Variants in SLC4A10 observed in about 807,000 individuals in gnomAD.
SLC4A10 encodes sodium-driven chloride bicarbonate exchanger.
Under a neutral mutation model 137.7 loss-of-function variants are expected in SLC4A10, and 42 were observed. The observed-to-expected ratio is 0.30, with a 90% CI of 0.24 to 0.39. The LOEUF is 0.39. Among genes scored for constraint, SLC4A10 ranks in the 10% least tolerant of loss-of-function variants. SLC4A10 has a pLI of 1.00. For missense variants in SLC4A10, 925 were observed against 1,355.0 expected (o/e 0.68, Z 4.98); for synonymous variants, 474 against 464.1 (o/e 1.02, Z -0.27).
intron 1 of SLC4A10, among the ~76,000 whole-genome samples, chr2:161,640,490 C>T (rs2035114173): frequency 6.6e-6 from 1 of 152,160 alleles, no homozygotes; most frequent in Admixed American, 6.6e-5. Context: ...ATTTAACAAA[C>T]TTTGTCAATT....
chr2:161,893,885 C>T (rs535695619), intron 10 of SLC4A10, among the ~76,000 whole-genome samples: 1 of 151,624 alleles, frequency 6.6e-6, no homozygotes, highest in East Asian at 2.0e-4. Context: ...GGGATTATGT[C>T]CCCCCATTGA....
chr2:161,712,982 A>G (rs771633080), intron 1 of SLC4A10, among the ~76,000 whole-genome samples: 18 of 151,930 alleles, frequency 1.2e-4, no homozygotes, highest in Non-Finnish European at 1.9e-4. Flanking sequence ...ATGGGTTGTA[A>G]CTACAAAATA....
Position 161,851,824 on chromosome 2 carries a change from A to C in SLC4A10, c.417-3146A>C, listed in dbSNP as rs2059850180. 2.0e-5 allele frequency among the ~76,000 whole-genome samples: 3 copies of C among 152,278 alleles called. No homozygotes were observed. In the South Asian group the frequency reaches 6.2e-4, roughly 32 times the overall value. ...TTAAGAAACAATATGATTTTTTAGT[A>C]ATGTACGAAGACTTTTCAGGATTTT... On this transcript the variant is annotated intron_variant, in intron 4 of 26. Coordinates refer to ENST00000446997, the MANE Select transcript of SLC4A10 (RefSeq NM_001178015.2).
At chr2:161,938,910 A>G (rs1248255350) in intron 15 of SLC4A10, among the ~76,000 whole-genome samples, 1 of 152,128 alleles carries the variant, frequency 6.6e-6, no homozygotes, top group East Asian at 1.9e-4. Context: ...TATAATTTAA[A>G]GCACCAGTTC....
At chr2:161,668,081 G>A (rs997141329) in intron 1 of SLC4A10, among the ~76,000 whole-genome samples, 1 of 151,764 alleles carries the variant, frequency 6.6e-6, no homozygotes, top group Non-Finnish European at 1.5e-5. Context: ...AATTGTAGTT[G>A]CAGTACTTAT....
chr2:161,972,282 C>A (rs1178017279), intron 23 of SLC4A10, among the ~76,000 whole-genome samples: 4 of 152,082 alleles, frequency 2.6e-5, no homozygotes, highest in Non-Finnish European at 5.9e-5. Context: ...CTTAAGATAA[C>A]CTTTCCTAAG....
chr2:161,826,416 T>G (rs376289618), intron 3 of SLC4A10, among the ~76,000 whole-genome samples: 1 of 152,176 alleles, frequency 6.6e-6, no homozygotes, highest in African/African-American at 2.4e-5. Flanking sequence ...AAAATGGAAG[T>G]TTTTCAATTC....
intron 1 of SLC4A10, among the ~76,000 whole-genome samples, chr2:161,754,965 A>C (rs2049442615): frequency 6.6e-6 from 1 of 152,162 alleles, no homozygotes; most frequent in South Asian, 2.1e-4. Context: ...GGCACTTATC[A>C]GATGCAGGTA....
intron 3 of SLC4A10, among the ~76,000 whole-genome samples, chr2:161,837,085 A>G (rs970317307): frequency 1.9e-4 from 29 of 152,324 alleles, no homozygotes; most frequent in African/African-American, 6.5e-4. Context: ...CATCACTGCC[A>G]CTTAATATCG....
At chr2:161,727,797 A>C (rs2046388273) in intron 1 of SLC4A10, among the ~76,000 whole-genome samples, 2 of 152,204 alleles carry the variant, frequency 1.3e-5, no homozygotes, top group Admixed American at 1.3e-4. Context: ...TAACAGTTCC[A>C]GAAAGAGAAA....
At chr2:161,807,458 C>G (rs1015177687) in intron 3 of SLC4A10, among the ~76,000 whole-genome samples, 1 of 152,116 alleles carries the variant, frequency 6.6e-6, no homozygotes, top group Non-Finnish European at 1.5e-5. Flanking sequence ...CCTTCTCAAC[C>G]ATATTCACTC....
intron 3 of SLC4A10, among the ~76,000 whole-genome samples, chr2:161,820,987 G>A (rs903043828): frequency 2.0e-5 from 3 of 152,000 alleles, no homozygotes; most frequent in Admixed American, 6.6e-5. Context: ...TTCTCTTAAG[G>A]TATGTAATTA....
At chr2:161,857,132 T>G (rs184197820) in intron 5 of SLC4A10, among the ~76,000 whole-genome samples, 2 of 152,298 alleles carry the variant, frequency 1.3e-5, no homozygotes, top group East Asian at 3.9e-4. Flanking sequence ...TTTAGTTCAC[T>G]TTCATTGTCC....
intron 16 of SLC4A10, among the ~76,000 whole-genome samples, chr2:161,945,186 A>ATG (rs1292138193): frequency 1.1e-3 from 8 of 7,002 alleles, no homozygotes; most frequent in East Asian, 4.9e-3. Context: ...TTGTGTGTAT[A>ATG]TATATATATA....
chr2:161,786,216 G>GT (rs970558568), intron 2 of SLC4A10, among the ~76,000 whole-genome samples: 2 of 151,298 alleles, frequency 1.3e-5, no homozygotes, highest in Admixed American at 6.6e-5. Context: ...TATAAATTCT[G>GT]TTTTTTTCTG....
chr2:161,956,249 G>C (rs549347627), intron 19 of SLC4A10, among the ~76,000 whole-genome samples: 3 of 152,044 alleles, frequency 2.0e-5, no homozygotes, highest in Non-Finnish European at 2.9e-5. Flanking sequence ...CATCATCATC[G>C]TTTTTCAGAT....
At chr2:161,811,500 C>T (rs886306877) in intron 3 of SLC4A10, among the ~76,000 whole-genome samples, 9 of 152,064 alleles carry the variant, frequency 5.9e-5, no homozygotes, top group Admixed American at 2.6e-4. Flanking sequence ...TTCAACAAGG[C>T]AGATTGTAAC....
Position 161,694,284 on chromosome 2 carries a change from C to T in SLC4A10, c.48+69718C>T, listed in dbSNP as rs568948027. Among the ~76,000 whole-genome samples the T allele has an allele frequency of 2.6e-5, 4 of 151,904 alleles. No homozygotes were observed. In the South Asian group the frequency reaches 6.2e-4, roughly 24 times the overall value. On this transcript the variant is annotated intron_variant, in intron 1 of 26. Coordinates refer to ENST00000446997, the MANE Select transcript of SLC4A10 (RefSeq NM_001178015.2). Reference sequence around the variant, plus strand: ...GACAAGGATTGAGACACCTTAACTCCCTCAAAACTTGCATGTACAGCTCAC... The same window carrying T: ...GACAAGGATTGAGACACCTTAACTCTCTCAAAACTTGCATGTACAGCTCAC...
chr2:161,981,383 T>C (rs1409187145), intron 26 of SLC4A10, among the ~76,000 whole-genome samples: 3 of 152,218 alleles, frequency 2.0e-5, no homozygotes, highest in Non-Finnish European at 4.4e-5. Context: ...GCCTCAGAAT[T>C]CTGGAATTCT....
Sources: allele counts gnomAD v4.1 joint callset (sites outside exome capture counted in the v4.1 genomes callset), GRCh38; gene constraint gnomAD v4.1.1; transcripts MANE v1.5; gene names NCBI Gene and HGNC (gene_info 2026-07-23, HGNC 2026-07-21).